Variants in ADAMTS14 observed in about 807,000 individuals in gnomAD.
ADAMTS14 encodes the protein A disintegrin and metalloproteinase with thrombospondin motifs 14.
Under a neutral mutation model 128.6 loss-of-function variants are expected in ADAMTS14, and 100 were observed. The observed-to-expected ratio is 0.78, with a 90% confidence interval of 0.66 to 0.92. The LOEUF (loss-of-function observed/expected upper bound fraction) is 0.92, where lower values mean the gene tolerates loss of function less well. ADAMTS14 is among the 40% of genes least tolerant of loss of function. ADAMTS14 has a pLI of 0.00. For synonymous variants in ADAMTS14, 665 were observed against 653.8 expected (o/e 1.02, Z -0.26); for missense variants, 1,562 against 1,658.6 (o/e 0.94, Z 1.01).
Position 70,752,187 on chromosome 10 carries a change from A to T in ADAMTS14, c.2689A>T (p.Ile897Phe), listed in dbSNP as rs1309892873. The change falls in exon 18 of 22, where the codon ATC (isoleucine) becomes TTC (phenylalanine). Residue 897 changes from isoleucine to phenylalanine, a missense_variant. Physicochemically the swap from Ile to Phe is conservative, Grantham distance 21 (BLOSUM62 0). Transcript: ENST00000373207. ...TGACCACAAGAAGAGGCCCAAGCCC[A>T]TCCGCCGGCGCTGCAACCAGCACCC... ...LCDHKKRPKPIRRRCNQHPCS... is the reference protein window; with the variant it reads ...LCDHKKRPKPFRRRCNQHPCS... The T allele has an allele frequency of 6.2e-7, 1 of 1,613,640 alleles. No individual in the cohort carries two copies. Among genetic ancestry groups the T allele is most frequent in the Non-Finnish European group, 8.5e-7 (1 of 1,179,982 alleles).
At chr10:70,692,475 T>G (rs116134392) in intron 2 of ADAMTS14, among the ~76,000 whole-genome samples, 1 of 152,218 alleles carries the variant, frequency 6.6e-6, no homozygotes, top group South Asian at 2.1e-4. Flanking sequence ...GCCTCTACAC[T>G]ACTTTGCAGG....
intron 4 of ADAMTS14, among the ~76,000 whole-genome samples, chr10:70,711,606 C>T (rs1025757068): frequency 6.6e-6 from 1 of 152,144 alleles, no homozygotes; most frequent in African/African-American, 2.4e-5. Flanking sequence ...AGTGGGTACT[C>T]AAGTAATGTT....
chr10:70,682,228 C>T (rs377079338), intron 2 of ADAMTS14, among the ~76,000 whole-genome samples: 159 of 150,864 alleles, frequency 1.1e-3, no homozygotes, highest in African/African-American at 3.2e-3. Flanking sequence ...AGAAGAGGAC[C>T]GGGTAGTCAT....
intron 4 of ADAMTS14, among the ~76,000 whole-genome samples, chr10:70,715,085 A>T (rs1411583334): frequency 6.6e-6 from 1 of 152,114 alleles, no homozygotes; most frequent in Non-Finnish European, 1.5e-5. Flanking sequence ...CGGGAGATGA[A>T]GTTTGTGATA....
intron 11 of ADAMTS14, among the ~76,000 whole-genome samples, chr10:70,740,648 G>A (rs1841967068): frequency 6.6e-6 from 1 of 152,200 alleles, no homozygotes; most frequent in Non-Finnish European, 1.5e-5. Context: ...ACAGTTGAAG[G>A]CACCCACAAA....
At chr10:70,743,707 C>T (rs1393395476) in intron 13 of ADAMTS14, 26 bp downstream of exon 13, 2 of 1,547,064 alleles carry the variant, frequency 1.3e-6, no homozygotes, top group Non-Finnish European at 1.7e-6. Flanking sequence ...GCCACCCCGA[C>T]TACCGGCACA....
At chr10:70,706,729 G>C (rs1840679704) in intron 3 of ADAMTS14, among the ~76,000 whole-genome samples, 1 of 152,228 alleles carries the variant, frequency 6.6e-6, no homozygotes. Flanking sequence ...CTTAAGTCTA[G>C]GGCTTTGTTC....
intron 4 of ADAMTS14, among the ~76,000 whole-genome samples, chr10:70,724,729 C>T (rs1589301512): frequency 6.6e-6 from 1 of 152,116 alleles, no homozygotes; most frequent in East Asian, 1.9e-4. Context: ...GATGAGCGTA[C>T]CAGGGCGCCA....
chr10:70,745,435 GA>G, intron 15 of ADAMTS14, 129 bp downstream of exon 15: 1 of 945,370 alleles, frequency 1.1e-6, no homozygotes, highest in Non-Finnish European at 1.6e-6. Context: ...AATGGGCAGA[GA>G]CCCCCTTTTC....
chr10:70,755,504 TACA>T (rs754212488), intron 19 of ADAMTS14, among the ~76,000 whole-genome samples: 92 of 152,082 alleles, frequency 6.0e-4, no homozygotes, highest in South Asian at 1.0e-3. Flanking sequence ...GTAATGATTG[TACA>T]ACAATGGGAA....
At chr10:70,759,543 T>A (rs1045860183) in intron 21 of ADAMTS14, among the ~76,000 whole-genome samples, 8 of 152,216 alleles carry the variant, frequency 5.3e-5, no homozygotes, top group Admixed American at 4.6e-4. Flanking sequence ...TATTCACTGG[T>A]AAGGGTCAAC....
At chr10:70,741,481 G>A (rs1423133003) in intron 12 of ADAMTS14, among the ~76,000 whole-genome samples, 1 of 152,258 alleles carries the variant, frequency 6.6e-6, no homozygotes, top group East Asian at 1.9e-4. Context: ...CGGCAGCAGT[G>A]TTGGCTGTTA....
intron 21 of ADAMTS14, among the ~76,000 whole-genome samples, chr10:70,759,859 C>A (rs1447594292): frequency 1.3e-5 from 2 of 152,160 alleles, no homozygotes; most frequent in Non-Finnish European, 2.9e-5. Flanking sequence ...GTTAGAAGCA[C>A]CTGGTGGTAG....
intron 3 of ADAMTS14, among the ~76,000 whole-genome samples, chr10:70,705,009 A>T (rs1840616796): frequency 2.6e-5 from 4 of 151,832 alleles, no homozygotes; most frequent in Non-Finnish European, 4.4e-5. Flanking sequence ...ACATACTCAC[A>T]CACCCCTTCA....
At position 70,692,994 on chromosome 10, in the gene ADAMTS14, C is replaced by T. The variant is rs114277210; in HGVS notation, c.523-9318C>T. Among the ~76,000 whole-genome samples the T allele has an allele frequency of 3.8e-3, 585 of 152,282 alleles. 8 individuals are homozygous for T. The highest frequency in any genetic ancestry group is 0.013 in the African/African-American group (559 of 41,546). On this transcript the variant is annotated intron_variant, in intron 2 of 21. Transcript: ENST00000373207. The stretch of plus-strand genomic sequence containing the variant: ...GATTCTGCAGGCTGTACCAGCATGG[C>T]TCCAGCACCTGCTTCTGGTGAGAGC...
At chr10:70,737,228 C>T (rs897406571) in intron 10 of ADAMTS14, among the ~76,000 whole-genome samples, 3 of 152,200 alleles carry the variant, frequency 2.0e-5, no homozygotes, top group African/African-American at 4.8e-5. Flanking sequence ...GCATGAGACA[C>T]ACGTGTTCTC....
At position 70,739,064 on chromosome 10, in the gene ADAMTS14, C is replaced by A. The variant is rs113997934; in HGVS notation, c.1748+74C>A. 1,796 of 1,514,396 alleles carry A rather than the reference C, an allele frequency of 1.2e-3. 13 individuals are homozygous for A. The African/African-American group carries it at 0.022, about 19-fold the overall frequency. 93.8% of individuals were successfully genotyped at this position (1,514,396 alleles called of 1,614,324 possible). On this transcript the variant is annotated intron_variant, in intron 11 of 21. Coordinates refer to ENST00000373207, the MANE Select transcript of ADAMTS14 (RefSeq NM_080722.4). Reference sequence around the variant, plus strand: ...GCGGAGGGGCTTGGAGGGGAAGGCACTGGGGAGACAGTGCAGGAGAGAAGG... The same window carrying A: ...GCGGAGGGGCTTGGAGGGGAAGGCAATGGGGAGACAGTGCAGGAGAGAAGG...
chr10:70,739,112 G>T lies in ADAMTS14; in HGVS notation c.1748+122G>T, dbSNP rs1187289280. 3 of 1,235,200 alleles carry T rather than the reference G, an allele frequency of 2.4e-6. No homozygotes were observed. The Admixed American group carries it at 8.4e-5, about 35-fold the overall frequency. The allele number at this position is 1,235,200 out of a possible 1,614,324, so 76.5% of individuals were successfully genotyped here. A position where few individuals can be genotyped will look rare whatever the true frequency, so the allele number is the denominator to read the frequency against. ...AGGGCCCCTGTGGGTGGTTGTGTATGCTAACGCATGAGGACACAAACTTGT... is the reference window on the plus strand; with the variant it reads ...AGGGCCCCTGTGGGTGGTTGTGTATTCTAACGCATGAGGACACAAACTTGT... On this transcript the variant is annotated intron_variant, in intron 11 of 21. Coordinates refer to ENST00000373207, the MANE Select transcript of ADAMTS14 (RefSeq NM_080722.4).
chr10:70,702,816 C>T (rs907996715), intron 3 of ADAMTS14, among the ~76,000 whole-genome samples: 1 of 152,142 alleles, frequency 6.6e-6, no homozygotes, highest in African/African-American at 2.4e-5. Context: ...TTGACTCAAC[C>T]CTTGGGAGCC....
Sources: allele counts gnomAD v4.1 joint callset (sites outside exome capture counted in the v4.1 genomes callset), GRCh38; gene constraint gnomAD v4.1.1; transcripts MANE v1.5; gene names NCBI Gene and HGNC (gene_info 2026-07-23, HGNC 2026-07-21).